Variants in LOX observed in about 807,000 individuals in gnomAD.
The protein encoded by LOX is protein-lysine 6-oxidase.
Under a neutral mutation model 50.5 loss-of-function variants are expected in LOX, and 12 were observed. The ratio of observed to expected loss-of-function variants is 0.24; its 90% CI spans 0.15 to 0.38. The LOEUF (loss-of-function observed/expected upper bound fraction) is 0.38, where lower values mean the gene tolerates loss of function less well. Among genes scored for constraint, LOX ranks in the 10% least tolerant of loss-of-function variants. The pLI is 1.00. For synonymous variants in LOX, 254 were observed against 230.6 expected, an observed-to-expected ratio of 1.10 and a Z score of -0.92; for missense variants, 504 against 563.8, an observed-to-expected ratio of 0.89 and a Z score of 1.07.
In LOX at chr5:122,070,160, T is replaced by C. The variant is rs35146783; in HGVS notation, c.1140A>G (p.Val380=). Residue 380 remains valine, a synonymous_variant, in exon 6 of 7, where the codon GTA becomes GTG. Transcript: ENST00000231004. The part of the protein sequence containing the change: ...KPGNYILKVS[V]NPSYLVPESD... ...ATTCAGGAACCAGGTAGCTGGGGTT[T>C]ACACTGACCTGGGCAACACAAAGAG... The C allele has an allele frequency of 3.8e-6, 6 of 1,586,420 alleles. No homozygotes were observed. The African/African-American group carries it at 8.1e-5, about 21-fold the overall frequency.
intron 4 of LOX, among the ~76,000 whole-genome samples, chr5:122,072,991 G>C (rs1480272244): frequency 6.6e-6 from 1 of 152,192 alleles, no homozygotes; most frequent in Non-Finnish European, 1.5e-5. Flanking sequence ...TCTTTCTTAA[G>C]TAAGTACTGT....
rs1156813675 is a variant in LOX at position 122,065,478 on chromosome 5, GT to G, written c.*1264del. On this transcript the variant is annotated 3_prime_UTR_variant, in exon 7 of 7. Transcript: ENST00000231004. The stretch of plus-strand genomic sequence containing the variant: ...TTCTATTATGGCACATGGTTTCACA[GT>G]TTCAAATGAAATCACAGCTGTCTCA... The G allele has an allele frequency of 6.6e-6, 1 of 152,006 alleles. No individual in the cohort carries two copies. The highest frequency in any genetic ancestry group is 1.5e-5 in the Non-Finnish European group (1 of 67,974). 9.4% of individuals were successfully genotyped at this position (152,006 alleles called of 1,614,324 possible).
intron 6 of LOX, among the ~76,000 whole-genome samples, chr5:122,068,602 C>A (rs1208239077): frequency 6.6e-6 from 1 of 152,106 alleles, no homozygotes; most frequent in Non-Finnish European, 1.5e-5. Context: ...CTGTACCTGA[C>A]AATGGGTATA....
At chr5:122,072,045 C>G (rs942636010) in intron 4 of LOX, among the ~76,000 whole-genome samples, 1 of 152,142 alleles carries the variant, frequency 6.6e-6, no homozygotes, top group African/African-American at 2.4e-5. Context: ...TTCCAGCATA[C>G]AATTCTGATT....
At position 122,077,895 on chromosome 5, in the gene LOX, G is replaced by T; in HGVS notation, c.91C>A (p.Pro31Thr). 4 of 1,521,890 alleles carry T rather than the reference G, an allele frequency of 2.6e-6. No homozygotes were observed. Among genetic ancestry groups the T allele is most frequent in the South Asian group, 1.3e-5 (1 of 78,346 alleles). The allele number at this position is 1,521,890 out of a possible 1,614,324, so 94.3% of individuals were successfully genotyped here. A position where few individuals can be genotyped will look rare whatever the true frequency, so the allele number is the denominator to read the frequency against. ...GGAGCCGCCGGCGGCTCGCGCGGGG[G>T]CTGCTGTTGGCCGGCGGCGGGAGGG... ...CAPPAAGQQQ[P>T]PREPPAAPGA... The change falls in exon 1 of 7, where the codon CCC becomes ACC. Residue 31 changes from proline to threonine, a missense_variant. Physicochemically the swap from Pro to Thr is conservative, Grantham distance 38. This residue lies in a region of LOX where 398 missense variants were observed against 365.8 expected (regional missense o/e 1.09). Coordinates refer to ENST00000231004, the MANE Select transcript of LOX (RefSeq NM_002317.7). The surrounding 1 kb of genome is among the most constrained non-coding windows in gnomAD (Gnocchi z 4.9).
Position 122,077,074 on chromosome 5 carries a change from A to G in LOX, c.632-73T>C. On this transcript the variant is annotated intron_variant, in intron 1 of 6. Coordinates refer to ENST00000231004, the MANE Select transcript of LOX (RefSeq NM_002317.7). This position sits in a 1 kb window ranked among gnomAD's most constrained non-coding sequence, Gnocchi z 4.9. ...CCCCGCTCCAACTCCCTACCCCTCT[A>G]GGTCCCTTACTCCTCACCCTTCGCC... is the stretch of plus-strand genomic sequence containing the variant. 3 of 1,582,124 alleles carry G rather than the reference A, an allele frequency of 1.9e-6. No homozygotes were observed. The highest frequency in any genetic ancestry group is 1.7e-6 in the Non-Finnish European group (2 of 1,168,524).
chr5:122,075,634 A>C, intron 2 of LOX, 93 bp from the exon 3 acceptor site: 1 of 797,636 alleles, frequency 1.3e-6, no homozygotes, highest in South Asian at 2.6e-5. Flanking sequence ...AGTAGTGACA[A>C]TCCTCCTTTC....
Position 122,066,671 on chromosome 5 carries a change from GAAGTT to G in LOX, c.*67_*71del, listed in dbSNP as rs1754307971. 8.1e-7 allele frequency: 1 copy of G among 1,227,204 alleles called. No individual in the cohort carries two copies. Among genetic ancestry groups the G allele is most frequent in the Non-Finnish European group, 1.2e-6 (1 of 839,700 alleles). 76.0% of individuals were successfully genotyped at this position (1,227,204 alleles called of 1,614,324 possible). ...TTTTTCAAAATACATAAATCCTACT[GAAGTT>G]AGTCTATTTTTTCCCACTTCAGAAC... On this transcript the variant is annotated 3_prime_UTR_variant, in exon 7 of 7. Transcript: ENST00000231004.
At chr5:122,073,909 A>C in intron 4 of LOX, 104 bp downstream of exon 4, 1 of 1,065,050 alleles carries the variant, frequency 9.4e-7, no homozygotes. Context: ...CCTTTTGATA[A>C]AAATGTGTGT....
At chr5:122,070,391 G>T in intron 5 of LOX, 103 bp downstream of exon 5, 1 of 688,594 alleles carries the variant, frequency 1.5e-6, no homozygotes, top group Middle Eastern at 3.9e-4. Flanking sequence ...GTTTGAGGAT[G>T]TATAATTGCT....
chr5:122,075,619 T>C (rs1268034163), intron 2 of LOX, 78 bp from the exon 3 acceptor site: 1 of 923,198 alleles, frequency 1.1e-6, no homozygotes, highest in Non-Finnish European at 1.6e-6. Flanking sequence ...AAACATCCAT[T>C]ATATAGTAGT....
At chr5:122,070,256 A>C in intron 5 of LOX, 88 bp from the exon 6 acceptor site, 1 of 799,468 alleles carries the variant, frequency 1.3e-6, no homozygotes, top group East Asian at 2.4e-5. Flanking sequence ...TAAATCAAGC[A>C]GGGAAGGGAT....
Position 122,065,347 on chromosome 5 carries a change from T to G in LOX, c.*1396A>C, listed in dbSNP as rs569805451. ...TGTTCTGGCACTGGAAAATCTTACTTGAGATTTTAATACTGGTTAATATAG... is the reference window on the plus strand; with the variant it reads ...TGTTCTGGCACTGGAAAATCTTACTGGAGATTTTAATACTGGTTAATATAG... On this transcript the variant is annotated 3_prime_UTR_variant, in exon 7 of 7. Transcript: ENST00000231004. 2.6e-5 allele frequency: 4 copies of G among 152,254 alleles called. No individual in the cohort carries two copies. The highest frequency in any genetic ancestry group is 9.6e-5 in the African/African-American group (4 of 41,556). 9.4% of individuals were successfully genotyped at this position (152,254 alleles called of 1,614,324 possible).
chr5:122,077,024 C>T lies in LOX; in HGVS notation c.632-23G>A, dbSNP rs1754657953. ...GACCTAAACGTCAGCAGGCGACGGG[C>T]GCAGCAGTGAAACAACCCGGCGCCC... On this transcript the variant is annotated intron_variant, in intron 1 of 6. Coordinates refer to ENST00000231004, the MANE Select transcript of LOX (RefSeq NM_002317.7). This position sits in a 1 kb window ranked among gnomAD's most constrained non-coding sequence, Gnocchi z 4.9. 7 of 1,610,764 alleles carry T rather than the reference C, an allele frequency of 4.3e-6. No homozygotes were observed. The African/African-American group carries it at 6.7e-5, about 15-fold the overall frequency.
chr5:122,066,527 G>GT lies in LOX; in HGVS notation c.*215dup, dbSNP rs1464818675. ...ACACTGTGTTAATTCACAAAGTGAT[G>GT]TAAATAATAAACATTAAAAATTTCC... On this transcript the variant is annotated 3_prime_UTR_variant, in exon 7 of 7. Coordinates refer to ENST00000231004, the MANE Select transcript of LOX (RefSeq NM_002317.7). 1 of 478,196 alleles carries GT rather than the reference G, an allele frequency of 2.1e-6. No homozygotes were observed. Among genetic ancestry groups the GT allele is most frequent in the Admixed American group, 3.4e-5 (1 of 29,164 alleles). The allele number at this position is 478,196 out of a possible 1,614,324, so 29.6% of individuals were successfully genotyped here.
chr5:122,075,992 G>T (rs2152590524), intron 2 of LOX: 1 of 152,386 alleles, frequency 6.6e-6, no homozygotes, highest in Non-Finnish European at 1.5e-5. Context: ...GCTGCAAACT[G>T]AGGAAATAAC....
At chr5:122,068,981 G>A (rs1410539133) in intron 6 of LOX, among the ~76,000 whole-genome samples, 2 of 151,974 alleles carry the variant, frequency 1.3e-5, no homozygotes, top group South Asian at 2.1e-4. Context: ...ACACAATATG[G>A]GCCATAAAAC....
Position 122,065,073 on chromosome 5 carries a change from G to A in LOX, c.*1670C>T, listed in dbSNP as rs575796396. The A allele has an allele frequency of 6.6e-5, 10 of 152,156 alleles. No individual in the cohort carries two copies. In the South Asian group the frequency reaches 1.9e-3, roughly 28 times the overall value. 9.4% of individuals were successfully genotyped at this position (152,156 alleles called of 1,614,324 possible). A position where few individuals can be genotyped will look rare whatever the true frequency, so the allele number is the denominator to read the frequency against. ...TAAGGCAAAGAGGTACATCAAAGAA[G>A]CTATTCCATAGCTCAGTTACAGCTC... On this transcript the variant is annotated 3_prime_UTR_variant, in exon 7 of 7. Transcript: ENST00000231004.
chr5:122,073,219 C>A (rs1038181361), intron 4 of LOX, among the ~76,000 whole-genome samples: 1 of 152,108 alleles, frequency 6.6e-6, no homozygotes, highest in Non-Finnish European at 1.5e-5. Flanking sequence ...TTATAATGTC[C>A]TTTTACAAAT....
Sources: allele counts gnomAD v4.1 joint callset (sites outside exome capture counted in the v4.1 genomes callset), GRCh38; gene constraint gnomAD v4.1.1; regional missense constraint gnomAD v4.1.1; non-coding constraint Gnocchi (gnomAD v3.1); transcripts MANE v1.5; gene names NCBI Gene and HGNC (gene_info 2026-07-23, HGNC 2026-07-21).